RERE: variants seen among roughly 807,000 people sequenced by gnomAD.
RERE encodes arginine-glutamic acid dipeptide repeats protein.
Under a neutral mutation model 146.1 loss-of-function variants are expected in RERE, and 40 were observed. The ratio of observed to expected loss-of-function variants is 0.27; its 90% CI spans 0.21 to 0.36. RERE has a LOEUF of 0.36. RERE is among the 10% of genes least tolerant of loss of function. The pLI is 1.00. For synonymous variants in RERE, 1,003 were observed against 866.0 expected (o/e 1.16, Z -2.78); for missense variants, 1,933 against 2,138.7 (o/e 0.90, Z 1.90).
chr1:8,723,555 G>A (rs61784167), intron 1 of RERE, among the ~76,000 whole-genome samples: 3,834 of 152,222 alleles, frequency 0.025, 63 homozygotes, highest in Non-Finnish European at 0.04. Flanking sequence ...TAGTAAGTTT[G>A]AGTTCTATTA....
rs1642357622 is a variant in RERE, at chr1:8,379,100, A to G, written c.1285-13126T>C. Among the ~76,000 whole-genome samples, 2 of 152,222 alleles carry G rather than the reference A, an allele frequency of 1.3e-5. 1 individual carries two copies. On this transcript the variant is annotated intron_variant, in intron 12 of 22. Transcript: ENST00000400908. ...CCAGCCCAACTCCAGAACAGCTCTC[A>G]GATGCTGTGGATCTAAAGACAGCTG...
chr1:8,384,093 G>C (rs1642553810), intron 12 of RERE, among the ~76,000 whole-genome samples: 1 of 152,170 alleles, frequency 6.6e-6, no homozygotes, highest in Non-Finnish European at 1.5e-5. Context: ...GCTGAGAAGA[G>C]CATAGGGAAC....
Position 8,365,686 on chromosome 1 carries a change from A to C in RERE, c.1447+126T>G, listed in dbSNP as rs1641777681. ...TGTTTAGGTCAGGCTTCACACATGCACTGGAGCACGGGTGCACACCCCCTC... is the reference window on the plus strand; with the variant it reads ...TGTTTAGGTCAGGCTTCACACATGCCCTGGAGCACGGGTGCACACCCCCTC... On this transcript the variant is annotated intron_variant, in intron 13 of 22. Coordinates refer to ENST00000400908, the MANE Select transcript of RERE (RefSeq NM_001042681.2). 4 of 1,041,746 alleles carry C rather than the reference A, an allele frequency of 3.8e-6. No individual in the cohort carries two copies. The Admixed American group carries it at 8.9e-5, about 23-fold the overall frequency. 64.5% of individuals were successfully genotyped at this position (1,041,746 alleles called of 1,614,324 possible).
At chr1:8,592,838 T>C (rs1249181599) in intron 4 of RERE, among the ~76,000 whole-genome samples, 1 of 152,204 alleles carries the variant, frequency 6.6e-6, no homozygotes, top group Non-Finnish European at 1.5e-5. Flanking sequence ...AGAAATTCAA[T>C]TCATAAATTT....
At chr1:8,480,200 T>C (rs544185663) in intron 10 of RERE, among the ~76,000 whole-genome samples, 1 of 148,766 alleles carries the variant, frequency 6.7e-6, no homozygotes, top group African/African-American at 2.5e-5. Flanking sequence ...AGTGCACTGA[T>C]GTCATCTCGG....
At chr1:8,450,780 A>G (rs28377062) in intron 11 of RERE, among the ~76,000 whole-genome samples, 2 of 152,156 alleles carry the variant, frequency 1.3e-5, no homozygotes, top group East Asian at 3.9e-4. Flanking sequence ...TGCCAAACCC[A>G]TCTCCTTCTT....
chr1:8,722,879 C>T (rs1004387398), intron 1 of RERE, among the ~76,000 whole-genome samples: 36 of 152,122 alleles, frequency 2.4e-4, no homozygotes, highest in African/African-American at 8.7e-4. Context: ...GAACCAATCC[C>T]CCACGAATAC....
intron 7 of RERE, among the ~76,000 whole-genome samples, chr1:8,528,390 A>G (rs1645596130): frequency 6.6e-6 from 1 of 150,698 alleles, no homozygotes; most frequent in Admixed American, 6.7e-5. Flanking sequence ...CTGAATATGA[A>G]CTATATTGGA....
chr1:8,401,454 T>C (rs1219439345), intron 12 of RERE, among the ~76,000 whole-genome samples: 4 of 151,034 alleles, frequency 2.6e-5, no homozygotes, highest in South Asian at 4.2e-4. Context: ...AATAAATAAA[T>C]AAACAAATAA....
chr1:8,503,276 G>C (rs549962039), intron 8 of RERE, among the ~76,000 whole-genome samples: 5 of 152,264 alleles, frequency 3.3e-5, no homozygotes, highest in African/African-American at 9.6e-5. Flanking sequence ...TTAGTTGCTA[G>C]TGTCAACACA....
intron 1 of RERE, among the ~76,000 whole-genome samples, chr1:8,712,603 T>C (rs1023409024): frequency 2.0e-5 from 3 of 152,216 alleles, no homozygotes; most frequent in Non-Finnish European, 2.9e-5. Context: ...GAGATTTTCC[T>C]GACATTCCAA....
chr1:8,730,337 T>TTTTTTG (rs769311690), intron 1 of RERE, among the ~76,000 whole-genome samples: 24 of 152,252 alleles, frequency 1.6e-4, no homozygotes, highest in African/African-American at 5.1e-4. Context: ...TTTTGGGGTT[T>TTTTTTG]TTTTTGTTTT....
chr1:8,367,511 C>T (rs973905928), intron 12 of RERE, among the ~76,000 whole-genome samples: 1 of 152,188 alleles, frequency 6.6e-6, no homozygotes, highest in Non-Finnish European at 1.5e-5. Context: ...CTCAACCTCC[C>T]CAAGCACTTA....
chr1:8,451,559 C>A (rs1353678243), intron 11 of RERE, among the ~76,000 whole-genome samples: 1 of 152,176 alleles, frequency 6.6e-6, no homozygotes, highest in Non-Finnish European at 1.5e-5. Context: ...AAACTTGTAC[C>A]CCAGATGAAT....
At chr1:8,784,947 C>A (rs532720392) in intron 1 of RERE, among the ~76,000 whole-genome samples, 1 of 152,138 alleles carries the variant, frequency 6.6e-6, no homozygotes, top group African/African-American at 2.4e-5. Context: ...ACTGCTTAAG[C>A]AACAAAGGGT....
intron 9 of RERE, 151 bp downstream of exon 9, chr1:8,497,254 C>A: frequency 6.2e-6 from 4 of 643,716 alleles, no homozygotes; most frequent in Non-Finnish European, 1.0e-5. Flanking sequence ...TAAGAAGAGC[C>A]AGGGTCCCGA....
intron 7 of RERE, chr1:8,525,879 G>A (rs1645564328): frequency 6.9e-7 from 1 of 1,454,332 alleles, no homozygotes; most frequent in South Asian, 1.5e-5. Flanking sequence ...TCAAAATGGA[G>A]GCACATGCAG....
chr1:8,520,324 G>T (rs1435492039), intron 7 of RERE, among the ~76,000 whole-genome samples: 1 of 152,094 alleles, frequency 6.6e-6, no homozygotes, highest in East Asian at 1.9e-4. Flanking sequence ...TACTGAAGAA[G>T]ACTCCAGGCC....
chr1:8,501,377 A>T (rs1409175359), intron 8 of RERE, among the ~76,000 whole-genome samples: 1 of 57,918 alleles, frequency 1.7e-5, no homozygotes, highest in African/African-American at 8.3e-5. Context: ...TCCGGGAGGA[A>T]GGTGGGGGGT....
Sources: allele counts gnomAD v4.1 joint callset (sites outside exome capture counted in the v4.1 genomes callset), GRCh38; gene constraint gnomAD v4.1.1; transcripts MANE v1.5; gene names NCBI Gene and HGNC (gene_info 2026-07-23, HGNC 2026-07-21).